The following THEMIS variants were observed in gnomAD, a reference collection of about 807,000 sequenced individuals.
THEMIS encodes thymocyte selection associated.
Under a neutral mutation model 52.6 loss-of-function variants are expected in THEMIS, and 37 were observed. The ratio of observed to expected loss-of-function variants is 0.70; its 90% CI spans 0.54 to 0.93. The LOEUF (loss-of-function observed/expected upper bound fraction) is 0.93. THEMIS is among the 40% of genes least tolerant of loss of function. The probability of loss-of-function intolerance (pLI) is 0.00; values close to 1 mark genes in which losing one functional copy is unlikely to be tolerated. For missense variants in THEMIS, 808 were observed against 763.1 expected, an observed-to-expected ratio of 1.06 and a Z score of -0.69; for synonymous variants, 292 against 272.7, an observed-to-expected ratio of 1.07 and a Z score of -0.70.
chr6:127,698,467 C>T, the THEMIS span, among the ~76,000 whole-genome samples: 1 of 151,950 alleles, frequency 6.6e-6, no homozygotes, highest in East Asian at 1.9e-4. Flanking sequence ...CGTTAATATC[C>T]ATTGTTTCAG....
intron 3 of THEMIS, among the ~76,000 whole-genome samples, chr6:127,817,014 T>C (rs2114619551): frequency 6.6e-6 from 1 of 152,358 alleles, no homozygotes; most frequent in African/African-American, 2.4e-5. Flanking sequence ...CTATTTAAAA[T>C]TGCAATCTTC....
chr6:127,897,152 A>G (rs552338528), intron 1 of THEMIS, among the ~76,000 whole-genome samples: 2 of 151,572 alleles, frequency 1.3e-5, no homozygotes, highest in Non-Finnish European at 3.0e-5. Flanking sequence ...ATACAAAAAC[A>G]TAAACCCAGA....
intron 4 of THEMIS, among the ~76,000 whole-genome samples, chr6:127,741,755 C>G (rs1445002220): frequency 6.6e-6 from 1 of 152,066 alleles, no homozygotes; most frequent in Non-Finnish European, 1.5e-5. Context: ...ACTGGCTGGC[C>G]AAAATAATGG....
intron 4 of THEMIS, among the ~76,000 whole-genome samples, chr6:127,727,268 A>G (rs1408534165): frequency 6.6e-6 from 1 of 152,210 alleles, no homozygotes; most frequent in African/African-American, 2.4e-5. Context: ...CATAACTCTT[A>G]GAGTCTGTAA....
the THEMIS span, among the ~76,000 whole-genome samples, chr6:127,698,671 G>C: frequency 1.3e-5 from 2 of 151,934 alleles, no homozygotes; most frequent in African/African-American, 4.8e-5. Context: ...GGTGTGGTTT[G>C]ACATATTTCC....
intron 5 of THEMIS, among the ~76,000 whole-genome samples, chr6:127,712,546 A>AAGGTTCATTTG (rs1774019358): frequency 1.3e-5 from 2 of 151,936 alleles, no homozygotes; most frequent in South Asian, 4.1e-4. Flanking sequence ...GAAATGTCAC[A>AAGGTTCATTTG]AGTTCAATAA....
intron 5 of THEMIS, among the ~76,000 whole-genome samples, chr6:127,718,294 C>T (rs898973615): frequency 2.6e-5 from 4 of 151,804 alleles, no homozygotes; most frequent in African/African-American, 4.8e-5. Flanking sequence ...AAAGGAGATT[C>T]CATTTTACTC....
At chr6:127,804,492 C>G (rs1347818280) in intron 4 of THEMIS, among the ~76,000 whole-genome samples, 1 of 152,104 alleles carries the variant, frequency 6.6e-6, no homozygotes, top group Non-Finnish European at 1.5e-5. Context: ...ATGTAAGCAC[C>G]TGGTATAGCG....
chr6:127,731,315 C>A (rs1408169278), intron 4 of THEMIS, among the ~76,000 whole-genome samples: 1 of 151,976 alleles, frequency 6.6e-6, no homozygotes. Flanking sequence ...TTCTCCAATG[C>A]ATAAAAAATG....
chr6:127,878,525 A>G (rs1389386710), intron 1 of THEMIS, among the ~76,000 whole-genome samples: 1 of 152,094 alleles, frequency 6.6e-6, no homozygotes, highest in South Asian at 2.1e-4. Flanking sequence ...CTTCAGGTTT[A>G]TGGGGTAAGA....
Position 127,838,982 on chromosome 6 carries a change from T to A in THEMIS, c.251-9048A>T, listed in dbSNP as rs1416877169. Reference sequence around the variant, plus strand: ...AACATATAGTACCATTTATTATAACTTTGTATCAGACATTAATGTTGGCAG... The same window carrying A: ...AACATATAGTACCATTTATTATAACATTGTATCAGACATTAATGTTGGCAG... On this transcript the variant is annotated intron_variant, in intron 2 of 5. Coordinates refer to ENST00000368248, the MANE Select transcript of THEMIS (RefSeq NM_001010923.3). Among the ~76,000 whole-genome samples, 3 of 152,138 alleles carry A rather than the reference T, an allele frequency of 2.0e-5. No homozygotes were observed. In the East Asian group the frequency reaches 5.8e-4, roughly 29 times the overall value.
chr6:127,832,224 G>A (rs1400767430), intron 2 of THEMIS, among the ~76,000 whole-genome samples: 3 of 152,046 alleles, frequency 2.0e-5, no homozygotes, highest in African/African-American at 4.8e-5. Flanking sequence ...AAACCCTAAA[G>A]GTCATCATTA....
chr6:127,890,449 G>A (rs751857259), intron 1 of THEMIS, among the ~76,000 whole-genome samples: 1 of 152,076 alleles, frequency 6.6e-6, no homozygotes, highest in Admixed American at 6.6e-5. Flanking sequence ...CGGGGAGAAG[G>A]GGGTGAAGTG....
At chr6:127,701,210 A>G in the THEMIS span, among the ~76,000 whole-genome samples, 2 of 152,122 alleles carry the variant, frequency 1.3e-5, no homozygotes, top group Non-Finnish European at 2.9e-5. Flanking sequence ...ATTACCATAA[A>G]GCACTGTTGC....
chr6:127,904,099 C>A (rs959545291), upstream of THEMIS, among the ~76,000 whole-genome samples: 2 of 151,954 alleles, frequency 1.3e-5, no homozygotes, highest in Admixed American at 6.6e-5. Context: ...GAGGAGAGAA[C>A]CTGAGTTGAG....
At chr6:127,725,628 T>C (rs1383024390) in intron 4 of THEMIS, among the ~76,000 whole-genome samples, 1 of 152,132 alleles carries the variant, frequency 6.6e-6, no homozygotes, top group Non-Finnish European at 1.5e-5. Context: ...GAATGTAAAC[T>C]GTGAAAAATA....
At chr6:127,819,663 C>T (rs562493179) in intron 3 of THEMIS, among the ~76,000 whole-genome samples, 18 of 152,172 alleles carry the variant, frequency 1.2e-4, no homozygotes, top group Non-Finnish European at 1.9e-4. Flanking sequence ...AACCCACCAA[C>T]CTAGAATTCT....
chr6:127,802,282 T>C (rs1359974852), intron 4 of THEMIS, among the ~76,000 whole-genome samples: 1 of 152,176 alleles, frequency 6.6e-6, no homozygotes, highest in Non-Finnish European at 1.5e-5. Flanking sequence ...AAAATAGATT[T>C]ATGAGGGCAG....
intron 1 of THEMIS, among the ~76,000 whole-genome samples, chr6:127,900,524 T>C (rs1246106919): frequency 6.6e-6 from 1 of 152,050 alleles, no homozygotes; most frequent in Non-Finnish European, 1.5e-5. Flanking sequence ...TAAATATTGA[T>C]AACTAAATTT....
Sources: gnomAD v4.1 joint callset for allele counts (sites outside exome capture counted in the v4.1 genomes callset) on GRCh38, gnomAD v4.1.1 for gene constraint, MANE v1.5 for transcripts, NCBI Gene and HGNC (gene_info 2026-07-23, HGNC 2026-07-21) for gene names.